The following NEXMIF variants were observed in gnomAD, a reference collection of about 807,000 sequenced individuals.
NEXMIF encodes the protein neurite extension and migration factor.
Under a neutral mutation model 62.1 loss-of-function variants are expected in NEXMIF, and 8 were observed. The observed-to-expected ratio is 0.13, with a 90% confidence interval of 0.08 to 0.23. The LOEUF (loss-of-function observed/expected upper bound fraction) is 0.23, where lower values mean the gene tolerates loss of function less well. Among genes scored for constraint, NEXMIF ranks in the 10% least tolerant of loss-of-function variants. The pLI, the probability that NEXMIF is intolerant of heterozygous loss-of-function variation, is 1.00. For synonymous variants in NEXMIF, 404 were observed against 416.6 expected (o/e 0.97, Z 0.37); for missense variants, 976 against 1,113.3 (o/e 0.88, Z 1.75).
At chrX:74,755,094 A>C (rs141825251) in intron 1 of NEXMIF, among the ~76,000 whole-genome samples, 3 of 112,285 alleles carry the variant, frequency 2.7e-5, no homozygotes, top group Non-Finnish European at 5.6e-5. Flanking sequence ...TATTCTAAGC[A>C]GTGAAGAACA....
intron 1 of NEXMIF, among the ~76,000 whole-genome samples, chrX:74,821,937 G>C (rs2080398237): frequency 9.0e-6 from 1 of 111,277 alleles, no homozygotes; most frequent in Non-Finnish European, 1.9e-5. Context: ...TTTTTGTAGA[G>C]ACGAGGTTTT....
chrX:74,824,880 C>G (rs774792122), intron 1 of NEXMIF, among the ~76,000 whole-genome samples: 6 of 110,730 alleles, frequency 5.4e-5, no homozygotes, highest in Admixed American at 9.6e-5. Context: ...TATCTCCTGA[C>G]GTCGTGATCC....
intron 1 of NEXMIF, among the ~76,000 whole-genome samples, chrX:74,891,316 GTTT>G (rs58531496): frequency 1.0e-5 from 1 of 96,368 alleles, no homozygotes; most frequent in African/African-American, 3.7e-5. Context: ...ATTCAGGAGG[GTTT>G]TTTTTTTTTT....
chrX:74,771,735 C>A (rs1451293683), intron 1 of NEXMIF, among the ~76,000 whole-genome samples: 1 of 110,855 alleles, frequency 9.0e-6, no homozygotes, highest in African/African-American at 3.3e-5. Context: ...CTCCAGTTTC[C>A]TTATCTGTCT....
At chrX:74,749,940 A>C (rs2080136984) in intron 1 of NEXMIF, among the ~76,000 whole-genome samples, 1 of 112,103 alleles carries the variant, frequency 8.9e-6, no homozygotes, top group East Asian at 2.8e-4. Context: ...TTTAGGGAAT[A>C]ATGTTTGGCT....
intron 1 of NEXMIF, among the ~76,000 whole-genome samples, chrX:74,805,235 T>C (rs144537973): frequency 3.7e-4 from 41 of 112,296 alleles, no homozygotes; most frequent in Middle Eastern, 9.2e-3. Context: ...TTGGTTCTTA[T>C]GAAGGTGCTT....
intron 1 of NEXMIF, among the ~76,000 whole-genome samples, chrX:74,776,996 G>A (rs2080230653): frequency 9.0e-6 from 1 of 111,228 alleles, no homozygotes; most frequent in African/African-American, 3.3e-5. Context: ...CAAGCTGGGG[G>A]AAATGTTTGC....
chrX:74,741,128 A>G lies in NEXMIF; in HGVS notation c.3429T>C (p.Asp1143=). The change falls in exon 3 of 4, where the codon GAT becomes GAC. Residue 1143 remains aspartate (D), a synonymous_variant. Coordinates refer to ENST00000055682, the MANE Select transcript of NEXMIF (RefSeq NM_001008537.3). ...TTTGGAGCAGGCTGACAGAATCCTC[A>G]TCATTGAACATATGGAACTGAAACT... ...NHQFQFHMFN[D]EDSVSLLQKN... 1 of 1,210,639 alleles carries G rather than the reference A, an allele frequency of 8.3e-7. No individual in the cohort carries two copies. The highest frequency in any genetic ancestry group is 1.1e-6 in the Non-Finnish European group (1 of 894,625).
At chrX:74,874,552 G>A (rs1403020011) in intron 1 of NEXMIF, among the ~76,000 whole-genome samples, 1 of 102,449 alleles carries the variant, frequency 9.8e-6, no homozygotes, top group Non-Finnish European at 2.0e-5. Context: ...AGCTTGATGG[G>A]GATGGCATTG....
intron 1 of NEXMIF, among the ~76,000 whole-genome samples, chrX:74,907,334 A>ACCCCCCCCCCCCCC (rs56726810): frequency 1.5e-4 from 8 of 53,045 alleles, no homozygotes; most frequent in African/African-American, 2.9e-4. Context: ...AAGCAAGAGC[A>ACCCCCCCCCCCCCC]CCCCCCCCCC....
At chrX:74,791,022 G>C (rs374971748) in intron 1 of NEXMIF, among the ~76,000 whole-genome samples, 3 of 110,688 alleles carry the variant, frequency 2.7e-5, no homozygotes, top group African/African-American at 3.3e-5. Flanking sequence ...TGTTGAATAG[G>C]AGTGGTGAGA....
At chrX:74,796,218 TATACATATATAATATA>T (rs1364236302) in intron 1 of NEXMIF, among the ~76,000 whole-genome samples, 12 of 70,200 alleles carry the variant, frequency 1.7e-4, no homozygotes, top group African/African-American at 7.2e-4. Flanking sequence ...ATTATATATA[TATACATATATAATATA>T]TATATATATA....
At chrX:74,779,253 G>A (rs1017468496) in intron 1 of NEXMIF, among the ~76,000 whole-genome samples, 1 of 112,012 alleles carries the variant, frequency 8.9e-6, no homozygotes, top group African/African-American at 3.2e-5. Flanking sequence ...GACCTTCTAA[G>A]CCCCAGTGTT....
intron 1 of NEXMIF, among the ~76,000 whole-genome samples, chrX:74,891,746 G>C (rs1198618902): frequency 2.7e-5 from 3 of 112,183 alleles, no homozygotes; most frequent in Non-Finnish European, 5.6e-5. Context: ...AGATGCTTAG[G>C]CTTCTGGCCA....
chrX:74,897,428 G>T (rs970625288), intron 1 of NEXMIF, among the ~76,000 whole-genome samples: 4 of 111,742 alleles, frequency 3.6e-5, no homozygotes, highest in Non-Finnish European at 7.5e-5. Context: ...TTCTAATATG[G>T]GGATAATTTT....
rs1460499932 is a variant in NEXMIF, at chrX:74,796,300, A to AT, written c.-47-50604dup. Among the ~76,000 whole-genome samples, 106 of 14,087 alleles carry AT rather than the reference A, an allele frequency of 7.5e-3. 1 individual carries two copies. Among genetic ancestry groups the AT allele is most frequent in the African/African-American group, 9.9e-3 (92 of 9,265 alleles). 12.2% of individuals were successfully genotyped at this position (14,087 alleles called of 115,157 possible). On this transcript the variant is annotated intron_variant, in intron 1 of 3. Transcript: ENST00000055682. ...CATATATATTATATATATTATATATATATACACACACACACACAATGGATA... is the reference window on the plus strand; with the variant it reads ...CATATATATTATATATATTATATATATTATACACACACACACACAATGGATA...
chrX:74,786,156 T>C (rs1401752845), intron 1 of NEXMIF, among the ~76,000 whole-genome samples: 1 of 111,852 alleles, frequency 8.9e-6, no homozygotes, highest in African/African-American at 3.2e-5. Flanking sequence ...CACCTGCCAG[T>C]GTAGCAATCA....
intron 1 of NEXMIF, among the ~76,000 whole-genome samples, chrX:74,920,215 G>T (rs1207182777): frequency 1.8e-5 from 2 of 110,561 alleles, no homozygotes; most frequent in East Asian, 3.1e-4. Context: ...ACTTCCACAA[G>T]GGTTGAACTA....
chrX:74,744,927 T>TC (rs1333091364), intron 2 of NEXMIF, among the ~76,000 whole-genome samples: 6 of 16,904 alleles, frequency 3.5e-4, no homozygotes, highest in Non-Finnish European at 4.4e-4. Flanking sequence ...CTCTTCTCTC[T>TC]CTCCTCTCTC....
Sources: allele counts gnomAD v4.1 joint callset (sites outside exome capture counted in the v4.1 genomes callset), GRCh38; gene constraint gnomAD v4.1.1; transcripts MANE v1.5; gene names NCBI Gene and HGNC (gene_info 2026-07-23, HGNC 2026-07-21).